CTIF: variants seen among roughly 807,000 people sequenced by gnomAD.
The protein encoded by CTIF is cap binding complex dependent translation initiation factor, also known as CBP80/20-dependent translation initiation factor.
A neutral mutation model predicts 66.0 loss-of-function variants in CTIF; 21 were observed. The observed-to-expected ratio is 0.32, with a 90% CI of 0.23 to 0.46. CTIF has a LOEUF of 0.46. Among genes scored for constraint, CTIF ranks in the 20% least tolerant of loss-of-function variants. The pLI, the probability that CTIF is intolerant of heterozygous loss-of-function variation, is 1.00. For synonymous variants in CTIF, 345 were observed against 326.4 expected, an observed-to-expected ratio of 1.06 and a Z score of -0.62; for missense variants, 739 against 812.7, an observed-to-expected ratio of 0.91 and a Z score of 1.10.
At chr18:48,775,432 C>T (rs111436474) in intron 9 of CTIF, among the ~76,000 whole-genome samples, 2,721 of 152,330 alleles carry the variant, frequency 0.018, 59 homozygotes, top group African/African-American at 0.045. Flanking sequence ...GAGATGCCCA[C>T]GCAGAGATTC....
chr18:48,775,835 T>C (rs1250820813), intron 9 of CTIF, among the ~76,000 whole-genome samples: 1 of 151,860 alleles, frequency 6.6e-6, no homozygotes, highest in East Asian at 1.9e-4. Context: ...CAGAGGAGGA[T>C]TGGGGAAGGA....
At chr18:48,632,468 CT>C (rs1450956886) in intron 2 of CTIF, among the ~76,000 whole-genome samples, 1 of 152,176 alleles carries the variant, frequency 6.6e-6, no homozygotes, top group African/African-American at 2.4e-5. Flanking sequence ...TGCTGCTCAT[CT>C]GTTCCACACT....
chr18:48,850,465 C>T (rs115123830), intron 10 of CTIF, among the ~76,000 whole-genome samples: 1,841 of 152,270 alleles, frequency 0.012, 34 homozygotes, highest in African/African-American at 0.042. Context: ...GGCAGGGATT[C>T]GTTTATCCCC....
At chr18:48,539,836 G>C (rs938174607) in intron 1 of CTIF, 4 of 152,618 alleles carry the variant, frequency 2.6e-5, no homozygotes, top group African/African-American at 9.6e-5. Context: ...GCCGAGGTAG[G>C]GAGCCCGTCT....
chr18:48,759,043 G>C (rs986635906), intron 8 of CTIF, among the ~76,000 whole-genome samples: 1 of 152,160 alleles, frequency 6.6e-6, no homozygotes. Flanking sequence ...CCTTACTTTT[G>C]CTCCCAGGAG....
intron 7 of CTIF, among the ~76,000 whole-genome samples, chr18:48,736,526 T>C (rs2092505045): frequency 6.6e-6 from 1 of 152,230 alleles, no homozygotes; most frequent in African/African-American, 2.4e-5. Context: ...TTTAGCTCTA[T>C]CCTGTTCCTC....
Position 48,861,621 on chromosome 18 carries a change from G to C in CTIF, c.*2062G>C, listed in dbSNP as rs1009428567. 2.0e-5 allele frequency: 3 copies of C among 152,512 alleles called. No individual in the cohort carries two copies. The highest frequency in any genetic ancestry group is 4.8e-5 in the African/African-American group (2 of 41,442). The allele number at this position is 152,512 out of a possible 1,614,324, so 9.4% of individuals were successfully genotyped here. A position where few individuals can be genotyped will look rare whatever the true frequency, so the allele number is the denominator to read the frequency against. On this transcript the variant is annotated 3_prime_UTR_variant, in exon 12 of 12. Coordinates refer to ENST00000256413, the MANE Select transcript of CTIF (RefSeq NM_014772.3). ...AGGCAAGGCCCCCGAAGAGAGGAGA[G>C]ACCTGGGAGTGGGAGCTCAGGTCAG...
At chr18:48,644,122 CT>C (rs1161221233) in intron 3 of CTIF, among the ~76,000 whole-genome samples, 1 of 152,204 alleles carries the variant, frequency 6.6e-6, no homozygotes, top group Non-Finnish European at 1.5e-5. Context: ...CACGGCAAGT[CT>C]TTTTAAGCTA....
At chr18:48,657,863 C>T (rs544416242) in intron 3 of CTIF, among the ~76,000 whole-genome samples, 53 of 152,294 alleles carry the variant, frequency 3.5e-4, no homozygotes, top group Non-Finnish European at 5.4e-4. Context: ...GCAAGTCCAA[C>T]GCTTGCCTGG....
At position 48,722,317 on chromosome 18, in the gene CTIF, G is replaced by A. The variant is rs1266143437; in HGVS notation, c.584+10622G>A. On this transcript the variant is annotated intron_variant, in intron 7 of 11. Coordinates refer to ENST00000256413, the MANE Select transcript of CTIF (RefSeq NM_014772.3). ...GACAGCCTCGACCTGCTGGGCTCAA[G>A]TGATCCTCCCACCTCAGCCTCCCAA... is the stretch of plus-strand genomic sequence containing the variant. Among the ~76,000 whole-genome samples the A allele has an allele frequency of 6.0e-5, 9 of 150,252 alleles. No homozygotes were observed. The South Asian group carries it at 1.7e-3, about 28-fold the overall frequency.
Position 48,568,633 on chromosome 18 carries a change from T to TAAAAAAAAAAAAAGAAAAA in CTIF, c.-29+29334_-29+29335insGAAAAAAAAAAAAAAAAAA, listed in dbSNP as rs2089332245. On this transcript the variant is annotated intron_variant, in intron 1 of 11. Transcript: ENST00000256413. ...GAAATACCTGAGACTGGGCAATTTG[T>TAAAAAAAAAAAAAGAAAAA]AAAAAAAAAAAAAAAAAAAAAAAAA... Among the ~76,000 whole-genome samples the TAAAAAAAAAAAAAGAAAAA allele has an allele frequency of 6.5e-4, 24 of 36,642 alleles. 4 individuals are homozygous for TAAAAAAAAAAAAAGAAAAA. Among genetic ancestry groups the TAAAAAAAAAAAAAGAAAAA allele is most frequent in the South Asian group, 1.7e-3 (1 of 604 alleles). The allele number at this position is 36,642 out of a possible 152,430, so 24.0% of individuals were successfully genotyped here.
chr18:48,568,733 G>T (rs1401416326), intron 1 of CTIF, among the ~76,000 whole-genome samples: 1 of 147,416 alleles, frequency 6.8e-6, no homozygotes, highest in Non-Finnish European at 1.5e-5. Context: ...AGAAGGCAAA[G>T]GATGAGCAAA....
At chr18:48,826,108 T>G (rs1053729123) in intron 10 of CTIF, 4 of 152,196 alleles carry the variant, frequency 2.6e-5, no homozygotes, top group African/African-American at 9.7e-5. Flanking sequence ...AAACCTCGAT[T>G]TTCTTATCTG....
chr18:48,601,696 G>A (rs911574564), intron 1 of CTIF, among the ~76,000 whole-genome samples: 2 of 152,220 alleles, frequency 1.3e-5, no homozygotes, highest in Non-Finnish European at 2.9e-5. Context: ...ACCCTCACTG[G>A]CTTCTTGGAC....
At chr18:48,854,354 C>T (rs1249598797) in intron 10 of CTIF, among the ~76,000 whole-genome samples, 1 of 152,086 alleles carries the variant, frequency 6.6e-6, no homozygotes, top group Non-Finnish European at 1.5e-5. Context: ...CATTTGGAGT[C>T]TAAACACCAG....
At chr18:48,762,624 A>C (rs1400981880) in intron 9 of CTIF, among the ~76,000 whole-genome samples, 1 of 152,248 alleles carries the variant, frequency 6.6e-6, no homozygotes, top group Non-Finnish European at 1.5e-5. Flanking sequence ...ATAAAATGGT[A>C]GTTTCCAAGT....
At chr18:48,658,720 A>G (rs567107208) in intron 3 of CTIF, among the ~76,000 whole-genome samples, 58 of 152,196 alleles carry the variant, frequency 3.8e-4, no homozygotes, top group African/African-American at 1.4e-3. Context: ...TCTGTGGCAT[A>G]TGTACATGTA....
In CTIF at chr18:48,863,127, C is replaced by T. The variant is rs2069516412; in HGVS notation, c.*3568C>T. 6.6e-6 allele frequency: 1 copy of T among 152,286 alleles called. No individual in the cohort carries two copies. Among genetic ancestry groups the T allele is most frequent in the Admixed American group, 6.5e-5 (1 of 15,286 alleles). The allele number at this position is 152,286 out of a possible 1,614,324, so 9.4% of individuals were successfully genotyped here. A position where few individuals can be genotyped will look rare whatever the true frequency, so the allele number is the denominator to read the frequency against. On this transcript the variant is annotated 3_prime_UTR_variant, in exon 12 of 12. Coordinates refer to ENST00000256413, the MANE Select transcript of CTIF (RefSeq NM_014772.3). Reference sequence around the variant, plus strand: ...CTGCCGCGGAACCCCGCTAGTGCGACCACCCTCCCTCCGTCGGTATGTCCT... The same window carrying T: ...CTGCCGCGGAACCCCGCTAGTGCGATCACCCTCCCTCCGTCGGTATGTCCT...
At chr18:48,540,181 T>C (rs1304041898) in intron 1 of CTIF, 1 of 152,302 alleles carries the variant, frequency 6.6e-6, no homozygotes, top group East Asian at 1.9e-4. Context: ...GCTTTTTTTA[T>C]TATTCCTGTC....
Sources: allele counts gnomAD v4.1 joint callset (sites outside exome capture counted in the v4.1 genomes callset), GRCh38; gene constraint gnomAD v4.1.1; transcripts MANE v1.5; gene names NCBI Gene and HGNC (gene_info 2026-07-23, HGNC 2026-07-21).